Variants in TRIM67 observed in about 807,000 individuals in gnomAD.
The protein encoded by TRIM67 is tripartite motif containing 67, also known as tripartite motif-containing protein 67.
A neutral mutation model predicts 71.0 loss-of-function variants in TRIM67; 39 were observed. The observed-to-expected ratio is 0.55, with a 90% CI of 0.43 to 0.72. TRIM67 has a LOEUF of 0.72. TRIM67 is among the 30% of genes least tolerant of loss of function. TRIM67 has a pLI of 0.00. For missense variants in TRIM67, 973 were observed against 1,079.2 expected, an observed-to-expected ratio of 0.90 and a Z score of 1.38; for synonymous variants, 481 against 473.9, an observed-to-expected ratio of 1.01 and a Z score of -0.19.
chr1:231,218,209 G>A lies in TRIM67; in HGVS notation c.*2769G>A. The A allele has an allele frequency of 9.9e-7, 1 of 1,013,902 alleles. No individual in the cohort carries two copies. Among genetic ancestry groups the A allele is most frequent in the Non-Finnish European group, 1.2e-6 (1 of 846,568 alleles). 62.8% of individuals were successfully genotyped at this position (1,013,902 alleles called of 1,614,324 possible). Reference sequence around the variant, plus strand: ...GTTTCAGAGTAGAAATGACAGACAGGTCATGGAATTCTCATCCACCATCGA... The same window carrying A: ...GTTTCAGAGTAGAAATGACAGACAGATCATGGAATTCTCATCCACCATCGA... On this transcript the variant is annotated 3_prime_UTR_variant, in exon 10 of 10. Transcript: ENST00000366653.
At chr1:231,168,337 A>T (rs1360435534) in intron 1 of TRIM67, among the ~76,000 whole-genome samples, 1 of 152,208 alleles carries the variant, frequency 6.6e-6, no homozygotes, top group East Asian at 1.9e-4. Context: ...TTATTTCGTT[A>T]ACACCTTAAT....
intron 1 of TRIM67, among the ~76,000 whole-genome samples, chr1:231,192,244 C>T (rs1035844788): frequency 8.5e-5 from 13 of 152,106 alleles, no homozygotes; most frequent in African/African-American, 3.1e-4. Flanking sequence ...GGGTCTCGCC[C>T]TGGGCTCCAG....
At chr1:231,199,904 G>C (rs1683473150) in intron 3 of TRIM67, among the ~76,000 whole-genome samples, 1 of 152,226 alleles carries the variant, frequency 6.6e-6, no homozygotes, top group South Asian at 2.1e-4. Flanking sequence ...TGACTATCAT[G>C]AGTTTAGAAA....
At chr1:231,199,427 G>T (rs762569579) in intron 3 of TRIM67, among the ~76,000 whole-genome samples, 2 of 152,186 alleles carry the variant, frequency 1.3e-5, no homozygotes, top group Non-Finnish European at 2.9e-5. Context: ...TTCTGTCTAA[G>T]GGACTATTCT....
chr1:231,181,783 C>G (rs1182387702), intron 1 of TRIM67, among the ~76,000 whole-genome samples: 1 of 152,114 alleles, frequency 6.6e-6, no homozygotes, highest in African/African-American at 2.4e-5. Context: ...GGCCCACTAT[C>G]CAGAGTGAAT....
rs1048909987 is a variant in TRIM67, at chr1:231,216,637, G to T, written c.*1197G>T. Reference sequence around the variant, plus strand: ...CTGATGCAGTGGGCGGGATCTCTGGGGAAGGCAGGAAATAGAAGGGCAGTA... The same window carrying T: ...CTGATGCAGTGGGCGGGATCTCTGGTGAAGGCAGGAAATAGAAGGGCAGTA... On this transcript the variant is annotated 3_prime_UTR_variant, in exon 10 of 10. Coordinates refer to ENST00000366653, the MANE Select transcript of TRIM67 (RefSeq NM_001004342.5). The T allele has an allele frequency of 6.1e-6, 6 of 985,450 alleles. No individual in the cohort carries two copies. Among genetic ancestry groups the T allele is most frequent in the Non-Finnish European group, 7.2e-6 (6 of 830,026 alleles). The allele number at this position is 985,450 out of a possible 1,614,324, so 61.0% of individuals were successfully genotyped here. A position where few individuals can be genotyped will look rare whatever the true frequency, so the allele number is the denominator to read the frequency against.
intron 1 of TRIM67, among the ~76,000 whole-genome samples, chr1:231,181,423 A>G (rs555779988): frequency 2.6e-4 from 40 of 152,360 alleles, no homozygotes; most frequent in Admixed American, 2.4e-3. Context: ...ACTCAGTGTC[A>G]GCAAGAAGTG....
intron 1 of TRIM67, chr1:231,185,287 C>G: frequency 7.2e-7 from 1 of 1,398,262 alleles, no homozygotes; most frequent in Non-Finnish European, 9.7e-7. Context: ...CCCTCCCACC[C>G]TCCTACACTG....
intron 1 of TRIM67, among the ~76,000 whole-genome samples, chr1:231,176,906 C>CAAAGAAAAAAAAAAAAAAAAAAAAA (rs1682763478): frequency 1.3e-5 from 1 of 74,406 alleles, no homozygotes; most frequent in Admixed American, 1.5e-4. Flanking sequence ...TACAATCTGG[C>CAAAGAAAAAAAAAAAAAAAAAAAAA]AAAAAAAAAA....
chr1:231,167,602 G>A (rs1457145481), intron 1 of TRIM67, among the ~76,000 whole-genome samples: 2 of 106,164 alleles, frequency 1.9e-5, no homozygotes, highest in South Asian at 4.9e-4. Context: ...GATTACAGGC[G>A]TGAGCCACCG....
chr1:231,164,160 A>C, intron 1 of TRIM67, 147 bp downstream of exon 1: 2 of 1,093,712 alleles, frequency 1.8e-6, no homozygotes, highest in South Asian at 2.7e-5. Flanking sequence ...ATTCCATCAG[A>C]TAGTCATTTG....
At chr1:231,193,505 T>TCG (rs1310150113) in intron 1 of TRIM67, among the ~76,000 whole-genome samples, 2 of 102,360 alleles carry the variant, frequency 2.0e-5, no homozygotes, top group African/African-American at 1.0e-4. Flanking sequence ...TCTCTCAAGC[T>TCG]CTCTCTCTCT....
intron 1 of TRIM67, among the ~76,000 whole-genome samples, chr1:231,170,221 G>A (rs913812385): frequency 9.2e-5 from 14 of 152,024 alleles, no homozygotes; most frequent in African/African-American, 3.4e-4. Flanking sequence ...CCCAACCTCA[G>A]GTGATCCGCC....
intron 1 of TRIM67, among the ~76,000 whole-genome samples, chr1:231,170,445 C>T (rs144121409): frequency 3.3e-5 from 5 of 152,140 alleles, no homozygotes; most frequent in African/African-American, 1.2e-4. Flanking sequence ...TGAAGACAAC[C>T]TCAAAGGCTG....
At position 231,218,531 on chromosome 1, in the gene TRIM67, C is replaced by T; in HGVS notation, c.*3091C>T. On this transcript the variant is annotated 3_prime_UTR_variant, in exon 10 of 10. Coordinates refer to ENST00000366653, the MANE Select transcript of TRIM67 (RefSeq NM_001004342.5). Reference sequence around the variant, plus strand: ...ATATCCACTAGCACCTCACTGCATACATAGCATCCCAGCTCCTAATTCAAA... The same window carrying T: ...ATATCCACTAGCACCTCACTGCATATATAGCATCCCAGCTCCTAATTCAAA... 2 of 985,444 alleles carry T rather than the reference C, an allele frequency of 2.0e-6. No homozygotes were observed. The highest frequency in any genetic ancestry group is 2.4e-6 in the Non-Finnish European group (2 of 829,944). 61.0% of individuals were successfully genotyped at this position (985,444 alleles called of 1,614,324 possible).
At chr1:231,211,045 TA>T (rs1243264891) in intron 8 of TRIM67, among the ~76,000 whole-genome samples, 30 of 136,174 alleles carry the variant, frequency 2.2e-4, no homozygotes, top group African/African-American at 9.0e-4. Context: ...TATATATATA[TA>T]TATATTTTGT....
rs1473301752 is a variant in TRIM67, at chr1:231,201,431, T to C, written c.1448T>C (p.Val483Ala). Residue 483 changes from valine to alanine, a missense_variant, in exon 5 of 10, where the codon GTG becomes GCG. Around this residue, in one of 2 missense-constraint regions of TRIM67, gnomAD observed 795 missense variants for 831.3 expected, o/e 0.96. Transcript: ENST00000366653. ...GTCAAAGGCGCCCTGGAGCCGAAAGTGTCTGCGGAGTTTGATCTGACTTTG... is the reference window on the plus strand; with the variant it reads ...GTCAAAGGCGCCCTGGAGCCGAAAGCGTCTGCGGAGTTTGATCTGACTTTG... ...QWVKGALEPK[V>A]SAEFDLTLDS... 6 of 1,613,674 alleles carry C rather than the reference T, an allele frequency of 3.7e-6. No homozygotes were observed. The highest frequency in any genetic ancestry group is 1.1e-5 in the South Asian group (1 of 90,958).
intron 7 of TRIM67, among the ~76,000 whole-genome samples, chr1:231,207,873 G>A (rs1056178761): frequency 2.0e-5 from 3 of 152,120 alleles, no homozygotes; most frequent in African/African-American, 7.2e-5. Flanking sequence ...GGGGGTTGGG[G>A]AGCAAAAGGG....
In TRIM67 at chr1:231,163,399, G is replaced by C. The variant is rs1682350860; in HGVS notation, c.430G>C (p.Gly144Arg). The change falls in exon 1 of 10, where the codon GGT becomes CGT. Residue 144 changes from glycine to arginine, a missense_variant. Gly to Arg is a moderately radical substitution (Grantham distance 125). Around this residue, in one of 2 missense-constraint regions of TRIM67, gnomAD observed 795 missense variants for 831.3 expected, o/e 0.96. Coordinates refer to ENST00000366653, the MANE Select transcript of TRIM67 (RefSeq NM_001004342.5). ...PPGSSAAAAR[G>R]AACSSLSSSS... ...CGGCTCCTCGGCTGCGGCGGCTCGG[G>C]GTGCCGCCTGCTCCTCGCTGTCCTC... 1.3e-6 allele frequency: 2 copies of C among 1,536,244 alleles called. No homozygotes were observed. The highest frequency in any genetic ancestry group is 1.7e-6 in the Non-Finnish European group (2 of 1,143,592).
Sources: allele counts gnomAD v4.1 joint callset (sites outside exome capture counted in the v4.1 genomes callset), GRCh38; gene constraint gnomAD v4.1.1; regional missense constraint gnomAD v4.1.1; transcripts MANE v1.5; gene names NCBI Gene and HGNC (gene_info 2026-07-23, HGNC 2026-07-21).